The following HTR2C variants were observed in gnomAD, a reference collection of about 807,000 sequenced individuals.
HTR2C encodes the protein 5-hydroxytryptamine receptor 2C, also known as 5-hydroxytryptamine (serotonin) receptor 2C, G protein-coupled.
Under a neutral mutation model 21.0 loss-of-function variants are expected in HTR2C, and 5 were observed. The observed-to-expected ratio is 0.24, with a 90% confidence interval of 0.12 to 0.50. HTR2C has a LOEUF of 0.50. Among genes scored for constraint, HTR2C ranks in the 20% least tolerant of loss-of-function variants. HTR2C has a pLI of 0.98. For missense variants in HTR2C, 271 were observed against 371.2 expected (o/e 0.73, Z 2.22); for synonymous variants, 150 against 145.3 (o/e 1.03, Z -0.23).
chrX:114,594,279 A>G (rs782291378), intron 1 of HTR2C, among the ~76,000 whole-genome samples: 1 of 111,703 alleles, frequency 9.0e-6, no homozygotes, highest in East Asian at 2.8e-4. Context: ...TAGAAATGTT[A>G]CTAAAAATAA....
intron 5 of HTR2C, among the ~76,000 whole-genome samples, chrX:114,848,864 A>C (rs1356219178): frequency 9.0e-6 from 1 of 111,713 alleles, no homozygotes; most frequent in Non-Finnish European, 1.9e-5. Context: ...AAATGCCTTA[A>C]CAGTGCTAAT....
At chrX:114,756,454 G>A (rs2069814591) in intron 4 of HTR2C, among the ~76,000 whole-genome samples, 1 of 111,762 alleles carries the variant, frequency 8.9e-6, no homozygotes, top group African/African-American at 3.3e-5. Flanking sequence ...CATTTAACAG[G>A]TGAACAAGCT....
chrX:114,652,654 C>T (rs1556408691), intron 2 of HTR2C: 3 of 381,451 alleles, frequency 7.9e-6, no homozygotes, highest in Non-Finnish European at 1.6e-5. Flanking sequence ...TGGCATATAG[C>T]AGGTCCTCAA....
intron 5 of HTR2C, among the ~76,000 whole-genome samples, chrX:114,896,361 T>C (rs1181319637): frequency 1.8e-5 from 2 of 112,422 alleles, no homozygotes; most frequent in African/African-American, 6.5e-5. Context: ...TAGTGTTCTG[T>C]AAATGTCAAT....
At chrX:114,647,703 A>C (rs1383691571) in intron 2 of HTR2C, among the ~76,000 whole-genome samples, 1 of 112,788 alleles carries the variant, frequency 8.9e-6, no homozygotes, top group Non-Finnish European at 1.9e-5. Context: ...CATGAGGTAT[A>C]CAAGTAAGCT....
intron 1 of HTR2C, among the ~76,000 whole-genome samples, chrX:114,598,929 G>A (rs1023559964): frequency 1.1e-5 from 1 of 88,950 alleles, no homozygotes; most frequent in Non-Finnish European, 2.2e-5. Flanking sequence ...TTTGCTTCAG[G>A]TCATACAGCT....
intron 4 of HTR2C, among the ~76,000 whole-genome samples, chrX:114,746,718 G>C (rs782618566): frequency 9.9e-5 from 11 of 111,121 alleles, no homozygotes; most frequent in Non-Finnish European, 2.1e-4. Context: ...GGGCACGGTG[G>C]CTCCCACCTG....
At chrX:114,812,749 CAAACAA>C (rs1474982703) in intron 4 of HTR2C, among the ~76,000 whole-genome samples, 2 of 23,216 alleles carry the variant, frequency 8.6e-5, no homozygotes, top group African/African-American at 3.1e-4. Flanking sequence ...AACAAACAAA[CAAACAA>C]AAAAAAAAAC....
chrX:114,679,395 C>T (rs1281579309), intron 2 of HTR2C, among the ~76,000 whole-genome samples: 1 of 110,700 alleles, frequency 9.0e-6, no homozygotes, highest in African/African-American at 3.3e-5. Flanking sequence ...TCTCTCGCCT[C>T]AGCCTCCTAA....
At chrX:114,685,512 A>G (rs782070263) in intron 2 of HTR2C, among the ~76,000 whole-genome samples, 1 of 111,938 alleles carries the variant, frequency 8.9e-6, no homozygotes. Context: ...ATTACTGTGT[A>G]TGTTTACATG....
intron 2 of HTR2C, among the ~76,000 whole-genome samples, chrX:114,619,791 T>A (rs1556401277): frequency 9.0e-6 from 1 of 111,383 alleles, no homozygotes; most frequent in African/African-American, 3.3e-5. Context: ...TTATTACAGT[T>A]GATAATTATA....
intron 4 of HTR2C, among the ~76,000 whole-genome samples, chrX:114,833,806 T>C (rs1257736610): frequency 9.0e-6 from 1 of 111,313 alleles, no homozygotes; most frequent in Non-Finnish European, 1.9e-5. Flanking sequence ...GTGTCAATTT[T>C]GGATCTTTCC....
intron 5 of HTR2C, among the ~76,000 whole-genome samples, chrX:114,878,993 C>T (rs904926444): frequency 1.8e-5 from 2 of 109,991 alleles, no homozygotes; most frequent in African/African-American, 6.6e-5. Flanking sequence ...ATGTTAACTA[C>T]GTTCAATTTG....
At chrX:114,689,331 T>C (rs1359606503) in intron 2 of HTR2C, among the ~76,000 whole-genome samples, 1 of 107,932 alleles carries the variant, frequency 9.3e-6, no homozygotes, top group African/African-American at 3.4e-5. Flanking sequence ...TGTGCAAGTG[T>C]CTTATTCATA....
At chrX:114,622,865 G>A (rs782170555) in intron 2 of HTR2C, among the ~76,000 whole-genome samples, 1 of 112,004 alleles carries the variant, frequency 8.9e-6, no homozygotes, top group South Asian at 3.7e-4. Flanking sequence ...CTTTGGCTTT[G>A]TTCAAATCAG....
intron 4 of HTR2C, among the ~76,000 whole-genome samples, chrX:114,827,839 C>T (rs1421758891): frequency 9.0e-6 from 1 of 111,059 alleles, no homozygotes; most frequent in African/African-American, 3.3e-5. Flanking sequence ...TTCATGGTTT[C>T]TGATGCAAAA....
intron 3 of HTR2C, among the ~76,000 whole-genome samples, chrX:114,728,502 T>G (rs782659428): frequency 1.8e-5 from 2 of 111,414 alleles, no homozygotes; most frequent in East Asian, 5.7e-4. Context: ...AAATCTTGTC[T>G]ATAAGTAGTG....
At position 114,732,331 on chromosome X, in the gene HTR2C, C is replaced by A. The variant is rs781968294; in HGVS notation, c.349+724C>A. On this transcript the variant is annotated intron_variant, in intron 4 of 5. Coordinates refer to ENST00000276198, the MANE Select transcript of HTR2C (RefSeq NM_000868.4). ...ATGATGAACAATCAAATAGTTTATA[C>A]AACTCTACAAAGTATCTTTACTAGG... Among the ~76,000 whole-genome samples, 32 of 111,767 alleles carry A rather than the reference C, an allele frequency of 2.9e-4. 1 individual carries two copies. The Admixed American group carries it at 3.1e-3, about 11-fold the overall frequency.
intron 4 of HTR2C, among the ~76,000 whole-genome samples, chrX:114,776,944 G>A (rs782397449): frequency 2.7e-5 from 3 of 111,583 alleles, no homozygotes; most frequent in South Asian, 3.8e-4. Flanking sequence ...AAAACACTAT[G>A]ATTAAAAACT....
Sources: allele counts gnomAD v4.1 joint callset (sites outside exome capture counted in the v4.1 genomes callset), GRCh38; gene constraint gnomAD v4.1.1; transcripts MANE v1.5; gene names NCBI Gene and HGNC (gene_info 2026-07-23, HGNC 2026-07-21).